Variants in NALF1 observed in about 807,000 individuals in gnomAD.
The protein encoded by NALF1 is family with sequence similarity 155 member A.
In NALF1, 3 loss-of-function variants were observed where a neutral mutation model predicts 48.4. The ratio of observed to expected loss-of-function variants is 0.06; its 90% confidence interval spans 0.03 to 0.16. The LOEUF (loss-of-function observed/expected upper bound fraction) is 0.16. Ranked by LOEUF, NALF1 falls within the 10% of genes least tolerant of loss-of-function variation. The pLI, the probability that NALF1 is intolerant of heterozygous loss-of-function variation, is 1.00. For synonymous variants in NALF1, 262 were observed against 245.7 expected, an observed-to-expected ratio of 1.07 and a Z score of -0.62; for missense variants, 526 against 571.5, an observed-to-expected ratio of 0.92 and a Z score of 0.81.
At chr13:107,717,583 G>A (rs1351597386) in intron 1 of NALF1, among the ~76,000 whole-genome samples, 1 of 151,632 alleles carries the variant, frequency 6.6e-6, no homozygotes, top group Non-Finnish European at 1.5e-5. Flanking sequence ...CCAGTGCTCA[G>A]GGAACTGCAG....
intron 2 of NALF1, among the ~76,000 whole-genome samples, chr13:107,181,613 C>CTT (rs72367311): frequency 0.38 from 50,780 of 134,466 alleles, 9,814 homozygotes; most frequent in Middle Eastern, 0.49. Context: ...ACTATATAGA[C>CTT]TTTTTTTTTT....
rs1883087269 is a variant in NALF1, at chr13:107,362,760, T to C, written c.916-152005A>G. 6.6e-6 allele frequency among the ~76,000 whole-genome samples: 1 copy of C among 152,158 alleles called. No individual in the cohort carries two copies. Among genetic ancestry groups the C allele is most frequent in the Non-Finnish European group, 1.5e-5 (1 of 68,026 alleles). ...CCTATGATCCAGCAAACACCGTGTG[T>C]GCTTTTACAACTTTCCCATAGGTGA... is the stretch of plus-strand genomic sequence containing the variant. On this transcript the variant is annotated intron_variant, in intron 1 of 2. Coordinates refer to ENST00000375915, the MANE Select transcript of NALF1 (RefSeq NM_001080396.3). This position sits in a 1 kb window ranked among gnomAD's most constrained non-coding sequence, Gnocchi z 4.6.
At chr13:107,211,725 T>A (rs1879765865) in intron 1 of NALF1, among the ~76,000 whole-genome samples, 1 of 152,160 alleles carries the variant, frequency 6.6e-6, no homozygotes, top group South Asian at 2.1e-4. Context: ...CAAGTAACAT[T>A]TTGCCGGTTA....
chr13:107,770,687 C>T (rs1215727638), intron 1 of NALF1, among the ~76,000 whole-genome samples: 1 of 152,166 alleles, frequency 6.6e-6, no homozygotes, highest in Non-Finnish European at 1.5e-5. Context: ...CTTTTGAGAG[C>T]TGCCTATTGT....
At chr13:107,498,869 C>A (rs573951475) in intron 1 of NALF1, among the ~76,000 whole-genome samples, 34 of 152,244 alleles carry the variant, frequency 2.2e-4, no homozygotes, top group African/African-American at 7.9e-4. Flanking sequence ...TCTGAGAGAA[C>A]AGCTAGAAGC....
intron 1 of NALF1, among the ~76,000 whole-genome samples, chr13:107,689,799 TCTTAA>T (rs2138503198): frequency 6.6e-6 from 1 of 152,322 alleles, no homozygotes; most frequent in African/African-American, 2.4e-5. Context: ...AGGCTCTGCT[TCTTAA>T]CTTAGTTTTA....
intron 1 of NALF1, among the ~76,000 whole-genome samples, chr13:107,861,906 T>G (rs771524808): frequency 2.0e-5 from 3 of 152,226 alleles, no homozygotes; most frequent in Non-Finnish European, 2.9e-5. Context: ...GTAATGTTTG[T>G]GGGTGATGCA....
intron 1 of NALF1, among the ~76,000 whole-genome samples, chr13:107,803,380 G>C (rs542243825): frequency 6.6e-6 from 1 of 152,002 alleles, no homozygotes; most frequent in East Asian, 1.9e-4. Context: ...ATTAGTGAGA[G>C]CCAACTGGCA....
At chr13:107,633,858 ATATG>A (rs1879902015) in intron 1 of NALF1, among the ~76,000 whole-genome samples, 1 of 144,560 alleles carries the variant, frequency 6.9e-6, no homozygotes, top group Admixed American at 7.2e-5. Flanking sequence ...TTGCTCACAT[ATATG>A]TGTGTGTATG....
At position 107,165,495 on chromosome 13, in the gene NALF1, T is replaced by C. The variant is rs1053634002; in HGVS notation, c.*5002A>G. On this transcript the variant is annotated 3_prime_UTR_variant, in exon 3 of 3. Coordinates refer to ENST00000375915, the MANE Select transcript of NALF1 (RefSeq NM_001080396.3). ...GATTTTCTTCTGAGTTTAATCTGAATGTCTTGTCTGTGGTAAACATAGCCC... is the reference window on the plus strand; with the variant it reads ...GATTTTCTTCTGAGTTTAATCTGAACGTCTTGTCTGTGGTAAACATAGCCC... 1 of 152,228 alleles carries C rather than the reference T, an allele frequency of 6.6e-6. No homozygotes were observed. The highest frequency in any genetic ancestry group is 1.5e-5 in the Non-Finnish European group (1 of 68,044). The allele number at this position is 152,228 out of a possible 1,614,324, so 9.4% of individuals were successfully genotyped here.
chr13:107,624,330 TAAG>T (rs1441968065), intron 1 of NALF1, among the ~76,000 whole-genome samples: 1 of 152,096 alleles, frequency 6.6e-6, no homozygotes, highest in Non-Finnish European at 1.5e-5. Context: ...GGGAAAAACA[TAAG>T]AAACAAATGA....
Position 107,779,811 on chromosome 13 carries a change from CAT to C in NALF1, c.915+85869_915+85870del, listed in dbSNP as rs376174864. 3.7e-4 allele frequency among the ~76,000 whole-genome samples: 56 copies of C among 152,260 alleles called. 1 individual carries two copies. Among genetic ancestry groups the C allele is most frequent in the African/African-American group, 1.3e-3 (53 of 41,562 alleles). Reference sequence around the variant, plus strand: ...ACCTCAGTTCTAAAACCTCAGGAAACATATTTTTACTTATTGAATAGATACAA... The same window carrying C: ...ACCTCAGTTCTAAAACCTCAGGAAACATTTTTACTTATTGAATAGATACAA... On this transcript the variant is annotated intron_variant, in intron 1 of 2. Transcript: ENST00000375915.
At chr13:107,611,734 A>G (rs79757859) in intron 1 of NALF1, among the ~76,000 whole-genome samples, 4 of 151,426 alleles carry the variant, frequency 2.6e-5, no homozygotes, top group Admixed American at 6.6e-5. Context: ...TAAAAAGAAG[A>G]AAAAAAAGCA....
chr13:107,213,701 A>C (rs1879815269), intron 1 of NALF1, among the ~76,000 whole-genome samples: 2 of 152,374 alleles, frequency 1.3e-5, no homozygotes, highest in South Asian at 4.1e-4. Flanking sequence ...TTTGCTAAAA[A>C]TATTTCAGAA....
chr13:107,585,505 A>G (rs896683447), intron 1 of NALF1, among the ~76,000 whole-genome samples: 2 of 152,176 alleles, frequency 1.3e-5, no homozygotes, highest in East Asian at 1.9e-4. Context: ...GGCAAAGGAG[A>G]AAGCTTCTGT....
chr13:107,827,526 G>GT (rs1879556759), intron 1 of NALF1, among the ~76,000 whole-genome samples: 2 of 152,142 alleles, frequency 1.3e-5, no homozygotes, highest in Non-Finnish European at 2.9e-5. Flanking sequence ...TCCCAACATG[G>GT]GTCTGGCCAT....
chr13:107,228,061 A>G (rs1880141503), intron 1 of NALF1, among the ~76,000 whole-genome samples: 1 of 152,230 alleles, frequency 6.6e-6, no homozygotes, highest in Admixed American at 6.5e-5. Flanking sequence ...ATATATTGCA[A>G]GGAGTGGTGC....
intron 1 of NALF1, among the ~76,000 whole-genome samples, chr13:107,296,445 G>A (rs746244470): frequency 9.9e-5 from 15 of 152,222 alleles, no homozygotes; most frequent in Middle Eastern, 3.4e-3. Flanking sequence ...ATCTAGGAAG[G>A]TGTAATATGC....
At chr13:107,397,665 T>C (rs1174957425) in intron 1 of NALF1, among the ~76,000 whole-genome samples, 1 of 151,960 alleles carries the variant, frequency 6.6e-6, no homozygotes, top group Non-Finnish European at 1.5e-5. Context: ...TTCCAAGAGG[T>C]AGGGCCTTGA....
Sources: gnomAD v4.1 joint callset for allele counts (sites outside exome capture counted in the v4.1 genomes callset) on GRCh38, gnomAD v4.1.1 for gene constraint, Gnocchi (gnomAD v3.1) non-coding constraint, MANE v1.5 for transcripts, NCBI Gene and HGNC (gene_info 2026-07-23, HGNC 2026-07-21) for gene names.